The following CAPN14 variants were observed in gnomAD, a reference collection of about 807,000 sequenced individuals.
CAPN14 encodes the protein calpain-14.
Under a neutral mutation model 101.3 loss-of-function variants are expected in CAPN14, and 94 were observed. That is an observed-to-expected ratio of 0.93 (90% CI 0.79 to 1.10). The LOEUF is 1.10. Ranked by LOEUF, CAPN14 falls within the 50% of genes least tolerant of loss-of-function variation. The probability of loss-of-function intolerance (pLI) is 0.00; values close to 1 mark genes in which losing one functional copy is unlikely to be tolerated. For missense variants in CAPN14, 837 were observed against 828.4 expected, an observed-to-expected ratio of 1.01 and a Z score of -0.13; for synonymous variants, 338 against 317.9, an observed-to-expected ratio of 1.06 and a Z score of -0.67.
intron 16 of CAPN14, among the ~76,000 whole-genome samples, chr2:31,184,776 T>G (rs1572395907): frequency 6.6e-6 from 1 of 152,380 alleles, no homozygotes; most frequent in South Asian, 2.1e-4. Flanking sequence ...TCTTGGTTTC[T>G]AGCATTTCCT....
intron 21 of CAPN14, among the ~76,000 whole-genome samples, chr2:31,175,924 A>G (rs2148669170): frequency 6.6e-6 from 1 of 152,350 alleles, no homozygotes; most frequent in Admixed American, 6.5e-5. Context: ...AAATCAGTGC[A>G]TTTTGAAGGA....
intron 1 of CAPN14, among the ~76,000 whole-genome samples, chr2:31,232,365 T>A (rs1291517093): frequency 6.6e-6 from 1 of 152,212 alleles, no homozygotes; most frequent in Non-Finnish European, 1.5e-5. Flanking sequence ...GAGTCTGACC[T>A]CTTCTCCAAT....
chr2:31,184,177 C>T (rs1362112336), intron 16 of CAPN14, among the ~76,000 whole-genome samples: 1 of 152,198 alleles, frequency 6.6e-6, no homozygotes, highest in Non-Finnish European at 1.5e-5. Context: ...GCCACCGCGC[C>T]CGGCCCTCCT....
intron 16 of CAPN14, among the ~76,000 whole-genome samples, chr2:31,183,477 C>G (rs112491838): frequency 0.015 from 2,241 of 151,834 alleles, 60 homozygotes; most frequent in African/African-American, 0.052. Context: ...AATGAACTCA[C>G]ACAAATTTAC....
At position 31,199,515 on chromosome 2, in the gene CAPN14, A is replaced by G. The variant is rs1463338773; in HGVS notation, c.744T>C (p.Asn248=). 1 of 1,551,450 alleles carries G rather than the reference A, an allele frequency of 6.4e-7. No homozygotes were observed. The highest frequency in any genetic ancestry group is 8.7e-7 in the Non-Finnish European group (1 of 1,146,922). ...QTHSGEKILE[N]GLVEGHAYTL... The stretch of plus-strand genomic sequence containing the variant: ...TATAGGCATGGCCTTCCACCAGCCC[A>G]TTCTCCAGAATCTTCTCCTGCAGAG... The change falls in exon 7 of 22, where the codon AAT becomes AAC. Residue 248 remains asparagine, a synonymous_variant. Coordinates refer to ENST00000403897, the MANE Select transcript of CAPN14 (RefSeq NM_001145122.2).
At chr2:31,194,082 A>G (rs1681349707) in intron 9 of CAPN14, among the ~76,000 whole-genome samples, 1 of 152,174 alleles carries the variant, frequency 6.6e-6, no homozygotes, top group African/African-American at 2.4e-5. Context: ...GTCTCTTCCT[A>G]CCTCATGGCC....
intron 1 of CAPN14, among the ~76,000 whole-genome samples, chr2:31,213,135 G>A (rs1682479793): frequency 6.6e-6 from 1 of 152,146 alleles, no homozygotes; most frequent in Admixed American, 6.5e-5. Context: ...ATGGAGTGCT[G>A]GGTTTGGGAT....
chr2:31,226,381 CT>C (rs975231395), intron 2 of CAPN14: 24 of 152,280 alleles, frequency 1.6e-4, no homozygotes, highest in African/African-American at 4.3e-4. Context: ...CATTTCTAAT[CT>C]TTGTTTGCTT....
intron 9 of CAPN14, among the ~76,000 whole-genome samples, chr2:31,193,633 T>A (rs1349081419): frequency 6.6e-6 from 1 of 152,242 alleles, no homozygotes; most frequent in African/African-American, 2.4e-5. Context: ...GTTTTATCTA[T>A]AAATGTTCAA....
intron 1 of CAPN14, among the ~76,000 whole-genome samples, chr2:31,209,821 T>C (rs1293734619): frequency 2.6e-5 from 4 of 152,184 alleles, no homozygotes; most frequent in Non-Finnish European, 5.9e-5. Context: ...TTGGCCATCA[T>C]GGGAGTGTCC....
rs995077519 is a variant in CAPN14 at position 31,197,161 on chromosome 2, A to C, written c.875+88T>G. 4 of 867,510 alleles carry C rather than the reference A, an allele frequency of 4.6e-6. No homozygotes were observed. In the African/African-American group the frequency reaches 5.1e-5, roughly 11 times the overall value. 53.7% of individuals were successfully genotyped at this position (867,510 alleles called of 1,614,324 possible). A position where few individuals can be genotyped will look rare whatever the true frequency, so the allele number is the denominator to read the frequency against. ...TCCTGATCCAGCCTAAGACCAAAGAAAGCACACATTTGAATCTGTGTGCAA... is the reference window on the plus strand; with the variant it reads ...TCCTGATCCAGCCTAAGACCAAAGACAGCACACATTTGAATCTGTGTGCAA... On this transcript the variant is annotated intron_variant, in intron 8 of 21. Coordinates refer to ENST00000403897, the MANE Select transcript of CAPN14 (RefSeq NM_001145122.2).
intron 16 of CAPN14, among the ~76,000 whole-genome samples, chr2:31,182,603 A>G (rs2148674611): frequency 7.5e-6 from 1 of 132,542 alleles, no homozygotes; most frequent in East Asian, 2.0e-4. Flanking sequence ...AAAGAGAATA[A>G]AATACCTAGG....
At chr2:31,175,374 G>T (rs1680239189) in intron 21 of CAPN14, among the ~76,000 whole-genome samples, 1 of 152,180 alleles carries the variant, frequency 6.6e-6, no homozygotes, top group African/African-American at 2.4e-5. Context: ...AATGTAATTT[G>T]CCTAAGGCCC....
At chr2:31,190,293 T>G (rs776842846) in intron 12 of CAPN14, among the ~76,000 whole-genome samples, 32 of 152,290 alleles carry the variant, frequency 2.1e-4, no homozygotes, top group Non-Finnish European at 4.1e-4. Flanking sequence ...TATACACAAC[T>G]GCTAACAAAG....
intron 9 of CAPN14, 45 bp from the exon 10 acceptor site, chr2:31,193,339 C>T (rs776098966): frequency 1.0e-4 from 160 of 1,540,698 alleles, no homozygotes; most frequent in Middle Eastern, 1.7e-4. Flanking sequence ...GACCAGATAA[C>T]GCCTAGTTAT....
intron 8 of CAPN14, among the ~76,000 whole-genome samples, chr2:31,196,447 T>C (rs536175936): frequency 6.6e-6 from 1 of 152,362 alleles, no homozygotes; most frequent in East Asian, 1.9e-4. Flanking sequence ...TGTTTACTAA[T>C]GTGTAACAAA....
intron 18 of CAPN14, 99 bp from the exon 19 acceptor site, chr2:31,177,920 A>T (rs1044482540): frequency 1.9e-4 from 159 of 823,150 alleles, no homozygotes; most frequent in Admixed American, 1.2e-3. Context: ...GGGGCTGTTG[A>T]AGATATCTGA....
chr2:31,176,879 G>T, intron 20 of CAPN14, 147 bp downstream of exon 20: 2 of 698,282 alleles, frequency 2.9e-6, no homozygotes, highest in South Asian at 3.7e-5. Context: ...AGGGTTCACA[G>T]GCACTTGGCT....
At chr2:31,214,322 G>C (rs1682537493) in intron 1 of CAPN14, among the ~76,000 whole-genome samples, 1 of 152,152 alleles carries the variant, frequency 6.6e-6, no homozygotes, top group Admixed American at 6.5e-5. Context: ...TCAATCACTT[G>C]GCTGCTCCTC....
Sources: allele counts gnomAD v4.1 joint callset (sites outside exome capture counted in the v4.1 genomes callset), GRCh38; gene constraint gnomAD v4.1.1; transcripts MANE v1.5; gene names NCBI Gene and HGNC (gene_info 2026-07-23, HGNC 2026-07-21).